The following TAOK1 variants were observed in gnomAD, a reference collection of about 807,000 sequenced individuals.
TAOK1 encodes TAO kinase 1.
A neutral mutation model predicts 138.3 loss-of-function variants in TAOK1; 21 were observed. The observed-to-expected ratio is 0.15, with a 90% CI of 0.11 to 0.22. TAOK1 has a LOEUF of 0.22. Among genes scored for constraint, TAOK1 ranks in the 10% least tolerant of loss-of-function variants. The pLI, the probability that TAOK1 is intolerant of heterozygous loss-of-function variation, is 1.00. For synonymous variants in TAOK1, 361 were observed against 398.4 expected (o/e 0.91, Z 1.12); for missense variants, 651 against 1,227.7 (o/e 0.53, Z 7.02).
At chr17:29,479,428 A>G (rs1046011500) in intron 6 of TAOK1, among the ~76,000 whole-genome samples, 1 of 152,134 alleles carries the variant, frequency 6.6e-6, no homozygotes, top group Non-Finnish European at 1.5e-5. Flanking sequence ...CAAGCTAGTA[A>G]ATAAGTGAGT....
At chr17:29,509,124 T>TA (rs906969575) in intron 14 of TAOK1, among the ~76,000 whole-genome samples, 4 of 152,166 alleles carry the variant, frequency 2.6e-5, no homozygotes, top group African/African-American at 9.7e-5. Flanking sequence ...TATACATATT[T>TA]AAAATCCTCT....
intron 1 of TAOK1, among the ~76,000 whole-genome samples, chr17:29,409,335 T>A (rs2176754): frequency 0.021 from 939 of 45,172 alleles, 5 homozygotes; most frequent in Admixed American, 0.059. Context: ...ATATATATAT[T>A]TTTTTTTTTT....
intron 7 of TAOK1, among the ~76,000 whole-genome samples, chr17:29,481,791 C>G (rs2153026874): frequency 6.6e-6 from 1 of 151,974 alleles, no homozygotes; most frequent in African/African-American, 2.4e-5. Flanking sequence ...AACTCCATCT[C>G]TACTAAAAAA....
chr17:29,521,005 G>A (rs1375989717), intron 16 of TAOK1, among the ~76,000 whole-genome samples: 3 of 151,338 alleles, frequency 2.0e-5, no homozygotes, highest in Non-Finnish European at 2.9e-5. Flanking sequence ...AAGCCTGGTC[G>A]ACAGAGTGAC....
At chr17:29,452,537 A>G (rs948771556) in intron 2 of TAOK1, among the ~76,000 whole-genome samples, 1 of 152,166 alleles carries the variant, frequency 6.6e-6, no homozygotes, top group Admixed American at 6.5e-5. Flanking sequence ...TGCTGTTTTA[A>G]TTATTTTTTA....
chr17:29,467,412 T>A (rs2030696940), intron 3 of TAOK1, among the ~76,000 whole-genome samples, 196 bp downstream of exon 3: 1 of 152,122 alleles, frequency 6.6e-6, no homozygotes, highest in Admixed American at 6.6e-5. Context: ...TAGCTGGGAC[T>A]ACAGGCACCC....
At chr17:29,526,819 TAAAAAA>T (rs71138830) in intron 17 of TAOK1, among the ~76,000 whole-genome samples, 6 of 50,946 alleles carry the variant, frequency 1.2e-4, no homozygotes, top group Admixed American at 8.6e-4. Context: ...TCTCATCTCT[TAAAAAA>T]AAAAAAAAAA....
intron 1 of TAOK1, among the ~76,000 whole-genome samples, chr17:29,396,066 C>G (rs922260513): frequency 6.6e-6 from 1 of 151,948 alleles, no homozygotes; most frequent in Non-Finnish European, 1.5e-5. Context: ...TTAGTTCATT[C>G]CATTCTTAAA....
chr17:29,470,706 A>G (rs1390961674), intron 3 of TAOK1, among the ~76,000 whole-genome samples: 2 of 152,214 alleles, frequency 1.3e-5, no homozygotes, highest in African/African-American at 2.4e-5. Flanking sequence ...TAAATTATAT[A>G]ATTGAGTTGT....
intron 2 of TAOK1, among the ~76,000 whole-genome samples, chr17:29,459,359 G>A (rs886861665): frequency 6.6e-6 from 1 of 152,076 alleles, no homozygotes; most frequent in African/African-American, 2.4e-5. Context: ...TCAGCTCACT[G>A]CAAACACCGC....
intron 13 of TAOK1, 41 bp from the exon 14 acceptor site, chr17:29,507,855 G>A (rs1215362918): frequency 3.2e-6 from 5 of 1,561,924 alleles, no homozygotes; most frequent in East Asian, 2.3e-5. Context: ...GAAGAAGAAT[G>A]TTTTATTTTC....
intron 1 of TAOK1, among the ~76,000 whole-genome samples, chr17:29,399,550 C>T (rs928827398): frequency 1.3e-5 from 2 of 151,636 alleles, no homozygotes; most frequent in Admixed American, 6.6e-5. Context: ...CTCCTGACCT[C>T]GTGATCTGCC....
rs148942824 is a variant in TAOK1, at chr17:29,399,166, G to C, written c.-95+8142G>C. ...TGCCTGGCTAATTTTTGTATTTTTTGTGGAGATGGGGTTTTGCCATGTTGC... is the reference window on the plus strand; with the variant it reads ...TGCCTGGCTAATTTTTGTATTTTTTCTGGAGATGGGGTTTTGCCATGTTGC... On this transcript the variant is annotated intron_variant, in intron 1 of 19. Transcript: ENST00000261716. 3.2e-3 allele frequency among the ~76,000 whole-genome samples: 490 copies of C among 151,636 alleles called. 5 individuals are homozygous for C. Among genetic ancestry groups the C allele is most frequent in the African/African-American group, 0.011 (469 of 41,342 alleles).
At chr17:29,527,051 C>T (rs904849961) in intron 17 of TAOK1, among the ~76,000 whole-genome samples, 3 of 151,778 alleles carry the variant, frequency 2.0e-5, no homozygotes, top group African/African-American at 7.3e-5. Context: ...GCTTGAACCA[C>T]GGAGTCGGAG....
chr17:29,534,739 C>T (rs1412958633), intron 19 of TAOK1, among the ~76,000 whole-genome samples: 2 of 152,114 alleles, frequency 1.3e-5, no homozygotes, highest in Non-Finnish European at 2.9e-5. Context: ...CATCCTTGGC[C>T]TGGAGCTATA....
At chr17:29,538,166 C>T (rs956014130) in intron 19 of TAOK1, among the ~76,000 whole-genome samples, 2 of 149,298 alleles carry the variant, frequency 1.3e-5, no homozygotes, top group Non-Finnish European at 3.0e-5. Flanking sequence ...AAATCTTATT[C>T]AGCCATTTAA....
chr17:29,465,204 A>G (rs1305334608), intron 2 of TAOK1, among the ~76,000 whole-genome samples: 2 of 134,566 alleles, frequency 1.5e-5, no homozygotes, highest in African/African-American at 2.9e-5. Flanking sequence ...CAATGGCTCA[A>G]GTGCAATGGC....
chr17:29,492,435 A>G (rs1271308112), intron 10 of TAOK1, among the ~76,000 whole-genome samples: 3 of 152,220 alleles, frequency 2.0e-5, no homozygotes, highest in Admixed American at 2.0e-4. Flanking sequence ...TAATATGTGC[A>G]AGAATATAAT....
chr17:29,520,301 A>G lies in TAOK1; in HGVS notation c.1909-1979A>G, dbSNP rs909321132. Among the ~76,000 whole-genome samples the G allele has an allele frequency of 6.6e-5, 10 of 152,210 alleles. No homozygotes were observed. In the East Asian group the frequency reaches 1.7e-3, roughly 26 times the overall value. On this transcript the variant is annotated intron_variant, in intron 16 of 19. Coordinates refer to ENST00000261716, the MANE Select transcript of TAOK1 (RefSeq NM_020791.4). ...TTACAATGAAACTTTAAAAATTTCTATGTACTGGCTGGGTGCAGTGGCTCA... is the reference window on the plus strand; with the variant it reads ...TTACAATGAAACTTTAAAAATTTCTGTGTACTGGCTGGGTGCAGTGGCTCA...
Sources: allele counts gnomAD v4.1 joint callset (sites outside exome capture counted in the v4.1 genomes callset), GRCh38; gene constraint gnomAD v4.1.1; transcripts MANE v1.5; gene names NCBI Gene and HGNC (gene_info 2026-07-23, HGNC 2026-07-21).